PTPRR: variants seen among roughly 807,000 people sequenced by gnomAD.
PTPRR encodes receptor-type tyrosine-protein phosphatase R.
Under a neutral mutation model 77.2 loss-of-function variants are expected in PTPRR, and 38 were observed. That is an observed-to-expected ratio of 0.49 (90% CI 0.38 to 0.65). The LOEUF is 0.65. PTPRR is among the 30% of genes least tolerant of loss of function. The probability of loss-of-function intolerance (pLI) is 0.00; values close to 1 mark genes in which losing one functional copy is unlikely to be tolerated. For missense variants in PTPRR, 744 were observed against 799.2 expected (o/e 0.93, Z 0.83); for synonymous variants, 299 against 283.1 (o/e 1.06, Z -0.57).
At chr12:70,834,985 C>A (rs1208589065) in intron 2 of PTPRR, among the ~76,000 whole-genome samples, 1 of 151,906 alleles carries the variant, frequency 6.6e-6, no homozygotes, top group Non-Finnish European at 1.5e-5. Context: ...TGATACTTAC[C>A]CCTTCTTACA....
Position 70,746,006 on chromosome 12 carries a change from G to A in PTPRR, c.819C>T (p.Pro273=), listed in dbSNP as rs1486368029. 1 of 1,613,908 alleles carries A rather than the reference G, an allele frequency of 6.2e-7. No homozygotes were observed. The highest frequency in any genetic ancestry group is 8.5e-7 in the Non-Finnish European group (1 of 1,179,904). ...CGGACAGTGCTGGCTGTAATGTGAT[G>A]GGCGATAGGTGGATCTCCTGGTTTT... The part of the protein sequence containing the change: ...KEKNQEIHLS[P]ITLQPALSEA... Residue 273 remains proline, a synonymous_variant, in exon 6 of 14, where the codon CCC becomes CCT. Transcript: ENST00000283228.
At chr12:70,919,673 G>GTTTTTTTTTTTTTTTTTTTTT (rs58439089) in intron 1 of PTPRR, among the ~76,000 whole-genome samples, 1 of 110,078 alleles carries the variant, frequency 9.1e-6, no homozygotes, top group Non-Finnish European at 1.9e-5. Flanking sequence ...AACTGTAATT[G>GTTTTTTTTTTTTTTTTTTTTT]TTTTTTTTTT....
intron 2 of PTPRR, among the ~76,000 whole-genome samples, chr12:70,769,283 C>T: frequency 1.3e-5 from 2 of 150,634 alleles, no homozygotes; most frequent in Non-Finnish European, 3.0e-5. Context: ...CCCAAAATCT[C>T]CTTAAGCTGA....
At chr12:70,785,825 A>G (rs1456837553) in intron 2 of PTPRR, among the ~76,000 whole-genome samples, 1 of 152,240 alleles carries the variant, frequency 6.6e-6, no homozygotes, top group Non-Finnish European at 1.5e-5. Context: ...CAGTAAACAA[A>G]CATAATAGCA....
chr12:70,902,984 A>G (rs1893563929), intron 1 of PTPRR, among the ~76,000 whole-genome samples: 1 of 151,852 alleles, frequency 6.6e-6, no homozygotes, highest in Non-Finnish European at 1.5e-5. Flanking sequence ...ATAAACCTAG[A>G]GGACATTATG....
At chr12:70,808,521 C>T (rs1460879687) in intron 2 of PTPRR, among the ~76,000 whole-genome samples, 2 of 152,116 alleles carry the variant, frequency 1.3e-5, no homozygotes, top group African/African-American at 2.4e-5. Context: ...TAAAATTTCT[C>T]TCTTTTGTAC....
At chr12:70,919,859 G>T (rs1446838352) in intron 1 of PTPRR, among the ~76,000 whole-genome samples, 1 of 151,920 alleles carries the variant, frequency 6.6e-6, no homozygotes, top group Non-Finnish European at 1.5e-5. Flanking sequence ...CATGTATTTC[G>T]ATCTTTTGGG....
Position 70,846,229 on chromosome 12 carries a change from G to A in PTPRR, c.357+46450C>T, listed in dbSNP as rs61373716. Reference sequence around the variant, plus strand: ...AAAACGCTTCCTTTCCACTAGCTACGGACCAGAAAAAAGCTTTAGGTTCAT... The same window carrying A: ...AAAACGCTTCCTTTCCACTAGCTACAGACCAGAAAAAAGCTTTAGGTTCAT... On this transcript the variant is annotated intron_variant, in intron 2 of 13. Coordinates refer to ENST00000283228, the MANE Select transcript of PTPRR (RefSeq NM_002849.4). Among the ~76,000 whole-genome samples, 318 of 152,134 alleles carry A rather than the reference G, an allele frequency of 2.1e-3. 2 individuals carry two copies. Among genetic ancestry groups the A allele is most frequent in the African/African-American group, 7.5e-3 (313 of 41,534 alleles).
chr12:70,773,155 G>A (rs750773911), intron 2 of PTPRR, among the ~76,000 whole-genome samples: 9 of 151,772 alleles, frequency 5.9e-5, no homozygotes, highest in Non-Finnish European at 1.3e-4. Flanking sequence ...TTTTTATAAG[G>A]GCCTCCTTAT....
At chr12:70,920,222 T>C in intron 1 of PTPRR, 111 bp downstream of exon 1, 1 of 1,217,956 alleles carries the variant, frequency 8.2e-7, no homozygotes, top group Non-Finnish European at 1.2e-6. Flanking sequence ...TGTCCTGTTT[T>C]ACCTTTTTAG....
chr12:70,734,239 A>G (rs2136895628), intron 6 of PTPRR, among the ~76,000 whole-genome samples: 1 of 152,306 alleles, frequency 6.6e-6, no homozygotes, highest in Non-Finnish European at 1.5e-5. Context: ...AAAGCACTGC[A>G]TTTAGTACCC....
rs201057419 is a variant in PTPRR at position 70,642,660 on chromosome 12, C to T, written c.1881-3383G>A. On this transcript the variant is annotated intron_variant, in intron 13 of 13. Transcript: ENST00000283228. The stretch of plus-strand genomic sequence containing the variant: ...GTAACAATAAAAAGCACTTACGAGT[C>T]CTAGGTAAATACTTGTCAAATGAAT... Among the ~76,000 whole-genome samples the T allele has an allele frequency of 2.6e-4, 39 of 152,102 alleles. No homozygotes were observed. In the East Asian group the frequency reaches 7.4e-3, roughly 29 times the overall value.
intron 6 of PTPRR, among the ~76,000 whole-genome samples, chr12:70,725,090 A>G (rs867338188): frequency 1.3e-5 from 2 of 152,094 alleles, no homozygotes; most frequent in African/African-American, 4.8e-5. Flanking sequence ...CCCCGGTATG[A>G]GAAGGGCATC....
chr12:70,716,959 A>G (rs1230725388), intron 6 of PTPRR, among the ~76,000 whole-genome samples: 3 of 152,220 alleles, frequency 2.0e-5, no homozygotes, highest in Non-Finnish European at 4.4e-5. Flanking sequence ...AATCACTACT[A>G]TAACCATAAA....
At chr12:70,672,586 AAGGACAGTGTAGC>A (rs1887275316) in intron 10 of PTPRR, 3 of 1,442,116 alleles carry the variant, frequency 2.1e-6, no homozygotes, top group African/African-American at 2.8e-5. Flanking sequence ...CTTGGTGACC[AAGGACAGTGTAGC>A]AGATGCACAC....
At chr12:70,746,207 G>T in intron 5 of PTPRR, 121 bp from the exon 6 acceptor site, 1 of 916,702 alleles carries the variant, frequency 1.1e-6, no homozygotes, top group Non-Finnish European at 1.6e-6. Flanking sequence ...AGTAAACAAA[G>T]CCCTCTGAGA....
At chr12:70,768,688 C>T (rs560529091) in intron 2 of PTPRR, among the ~76,000 whole-genome samples, 13 of 152,252 alleles carry the variant, frequency 8.5e-5, no homozygotes, top group African/African-American at 2.4e-4. Flanking sequence ...ATACCAAAGC[C>T]GGGCAGAGAT....
chr12:70,764,774 A>G lies in PTPRR; in HGVS notation c.362T>C (p.Leu121Pro). 6.2e-7 allele frequency: 1 copy of G among 1,610,736 alleles called. No individual in the cohort carries two copies. Among genetic ancestry groups the G allele is most frequent in the Non-Finnish European group, 8.5e-7 (1 of 1,176,868 alleles). The change falls in exon 3 of 14, where the codon CTG becomes CCG. Residue 121 changes from leucine (L) to proline (P), a missense_variant. Leu to Pro is a moderately conservative substitution (Grantham distance 98). This residue lies in a region of PTPRR where 570 missense variants were observed against 573.2 expected (regional missense o/e 0.99). Coordinates refer to ENST00000283228, the MANE Select transcript of PTPRR (RefSeq NM_002849.4). The part of the protein sequence containing the change: ...IPAANVIVVT[L>P]QMDVNKLNIT... The stretch of plus-strand genomic sequence containing the variant: ...GTTCAGCTTGTTTACATCCATTTGC[A>G]GTGTCTAGAAAATAAGGACAAAAAT...
chr12:70,908,700 C>T (rs1218373705), intron 1 of PTPRR, among the ~76,000 whole-genome samples: 1 of 152,154 alleles, frequency 6.6e-6, no homozygotes, highest in Non-Finnish European at 1.5e-5. Flanking sequence ...TAGCTGGCCA[C>T]TTGAAGAGAT....
Sources: allele counts gnomAD v4.1 joint callset (sites outside exome capture counted in the v4.1 genomes callset), GRCh38; gene constraint gnomAD v4.1.1; regional missense constraint gnomAD v4.1.1; transcripts MANE v1.5; gene names NCBI Gene and HGNC (gene_info 2026-07-23, HGNC 2026-07-21).